The following KLHL6 variants were observed in gnomAD, a reference collection of about 807,000 sequenced individuals.
KLHL6 encodes the protein kelch like family member 6.
KLHL6 carries 41 observed loss-of-function variants against 58.6 expected under a neutral mutation model. The observed-to-expected ratio is 0.70, with a 90% confidence interval of 0.55 to 0.91. The LOEUF (loss-of-function observed/expected upper bound fraction) is 0.91, where lower values mean the gene tolerates loss of function less well. Among genes scored for constraint, KLHL6 ranks in the 40% least tolerant of loss-of-function variants. The pLI, the probability that KLHL6 is intolerant of heterozygous loss-of-function variation, is 0.00. For missense variants in KLHL6, 714 were observed against 805.6 expected (o/e 0.89, Z 1.38); for synonymous variants, 338 against 322.7 (o/e 1.05, Z -0.51).
chr3:183,509,531 C>G (rs1256718380), intron 2 of KLHL6, among the ~76,000 whole-genome samples: 1 of 152,178 alleles, frequency 6.6e-6, no homozygotes, highest in African/African-American at 2.4e-5. Context: ...GCTGCAGCAG[C>G]AAACAACCCT....
rs1717475420 is a variant in KLHL6 at position 183,489,157 on chromosome 3, CT to C, written c.*2769del. On this transcript the variant is annotated 3_prime_UTR_variant, in exon 7 of 7. Transcript: ENST00000341319. ...TTATCAAAGGACCGCCATCCCCTCCCTGACTAGGGGCGCTGTCTTTTTGAAG... is the reference window on the plus strand; with the variant it reads ...TTATCAAAGGACCGCCATCCCCTCCCGACTAGGGGCGCTGTCTTTTTGAAG... 1 of 152,210 alleles carries C rather than the reference CT, an allele frequency of 6.6e-6. No homozygotes were observed. The highest frequency in any genetic ancestry group is 1.5e-5 in the Non-Finnish European group (1 of 68,036). The allele number at this position is 152,210 out of a possible 1,614,324, so 9.4% of individuals were successfully genotyped here. A position where few individuals can be genotyped will look rare whatever the true frequency, so the allele number is the denominator to read the frequency against.
Position 183,492,372 on chromosome 3 carries a change from GA to G in KLHL6, c.1564+121del, listed in dbSNP as rs904997974. ...CGATTGATGGCTCTCCTGAAAGCCA[GA>G]GTGGGTCCTAGGGGCAGTGAGTTGC... On this transcript the variant is annotated intron_variant, in intron 6 of 6. Coordinates refer to ENST00000341319, the MANE Select transcript of KLHL6 (RefSeq NM_130446.4). The surrounding 1 kb of genome is among the most constrained non-coding windows in gnomAD (Gnocchi z 5.9). The G allele has an allele frequency of 7.7e-7, 1 of 1,303,636 alleles. No homozygotes were observed. The allele number at this position is 1,303,636 out of a possible 1,614,324, so 80.8% of individuals were successfully genotyped here. A position where few individuals can be genotyped will look rare whatever the true frequency, so the allele number is the denominator to read the frequency against.
chr3:183,527,250 T>C (rs1415284063), intron 2 of KLHL6, among the ~76,000 whole-genome samples: 1 of 152,180 alleles, frequency 6.6e-6, no homozygotes, highest in East Asian at 1.9e-4. Flanking sequence ...CAGGAAATGA[T>C]CAATAGCTAT....
chr3:183,513,791 T>C (rs554705740), intron 2 of KLHL6, among the ~76,000 whole-genome samples: 213 of 152,286 alleles, frequency 1.4e-3, no homozygotes, highest in African/African-American at 4.6e-3. Context: ...GTGCCATGGT[T>C]TGCTGCACCT....
intron 2 of KLHL6, among the ~76,000 whole-genome samples, chr3:183,522,097 A>G (rs1037849987): frequency 1.3e-4 from 20 of 150,084 alleles, no homozygotes; most frequent in Middle Eastern, 3.4e-3. Context: ...AGGCCAAGCC[A>G]GGTGGATCAC....
At chr3:183,543,883 G>A (rs1276028129) in intron 1 of KLHL6, among the ~76,000 whole-genome samples, 3 of 152,222 alleles carry the variant, frequency 2.0e-5, no homozygotes, top group African/African-American at 7.2e-5. Flanking sequence ...GTAGCACCAG[G>A]CCGGGTGTGG....
chr3:183,496,741 G>GT (rs2108664652), intron 4 of KLHL6, among the ~76,000 whole-genome samples: 1 of 152,362 alleles, frequency 6.6e-6, no homozygotes, highest in South Asian at 2.1e-4. Flanking sequence ...AGATGATATT[G>GT]TTAATTGAAG....
chr3:183,551,497 G>C (rs1712915213), intron 1 of KLHL6, among the ~76,000 whole-genome samples: 1 of 152,176 alleles, frequency 6.6e-6, no homozygotes, highest in Admixed American at 6.5e-5. Context: ...AGGTTTACAA[G>C]AAAAGAAACG....
chr3:183,542,348 C>T (rs1214253698), intron 1 of KLHL6, among the ~76,000 whole-genome samples: 2 of 152,182 alleles, frequency 1.3e-5, no homozygotes, highest in East Asian at 1.9e-4. Context: ...AAACCTTTCC[C>T]GGTCTGACCA....
At chr3:183,514,285 CCCCCA>C in intron 2 of KLHL6, among the ~76,000 whole-genome samples, 1 of 152,206 alleles carries the variant, frequency 6.6e-6, no homozygotes, top group African/African-American at 2.4e-5. Flanking sequence ...GACAGTCCTA[CCCCCA>C]CCCCTTCAAT....
At chr3:183,528,489 A>G (rs1455771962) in intron 1 of KLHL6, among the ~76,000 whole-genome samples, 1 of 152,228 alleles carries the variant, frequency 6.6e-6, no homozygotes, top group Non-Finnish European at 1.5e-5. Context: ...CCAGCAGCTG[A>G]ACCCAATGTC....
At chr3:183,511,951 G>A (rs1718200546) in intron 2 of KLHL6, among the ~76,000 whole-genome samples, 2 of 152,182 alleles carry the variant, frequency 1.3e-5, no homozygotes, top group Admixed American at 1.3e-4. Flanking sequence ...CAGAAGGCCT[G>A]AATTCTGCCT....
chr3:183,505,950 G>A lies in KLHL6; in HGVS notation c.909+2109C>T, dbSNP rs1037351601. Among the ~76,000 whole-genome samples the A allele has an allele frequency of 2.6e-5, 4 of 152,136 alleles. 1 individual carries two copies. Among genetic ancestry groups the A allele is most frequent in the Non-Finnish European group, 5.9e-5 (4 of 68,050 alleles). The stretch of plus-strand genomic sequence containing the variant: ...CTGGTAAATTCTACTAAACATTTAA[G>A]GGTATGTTTGCAGAGTGAATGAATG... On this transcript the variant is annotated intron_variant, in intron 3 of 6. Coordinates refer to ENST00000341319, the MANE Select transcript of KLHL6 (RefSeq NM_130446.4).
chr3:183,493,716 G>A, intron 5 of KLHL6: 1 of 275,214 alleles, frequency 3.6e-6, no homozygotes, highest in South Asian at 5.1e-5. Context: ...CATGTGTCCA[G>A]TGTGGAGAAG....
intron 1 of KLHL6, among the ~76,000 whole-genome samples, chr3:183,543,522 T>C (rs1577202972): frequency 6.6e-6 from 1 of 152,306 alleles, no homozygotes; most frequent in East Asian, 1.9e-4. Context: ...CCTGACACTT[T>C]CCTAACTTTC....
At chr3:183,531,447 T>TTTTTTTG (rs1712158186) in intron 1 of KLHL6, among the ~76,000 whole-genome samples, 3 of 126,240 alleles carry the variant, frequency 2.4e-5, no homozygotes, top group African/African-American at 1.0e-4. Flanking sequence ...GTCTGTGTTT[T>TTTTTTTG]TTTTTTTTTT....
chr3:183,506,152 G>A lies in KLHL6; in HGVS notation c.909+1907C>T, dbSNP rs1986552. Among the ~76,000 whole-genome samples, 1,915 of 152,322 alleles carry A rather than the reference G, an allele frequency of 0.013. 119 individuals carry two copies. In the East Asian group the frequency reaches 0.18, roughly 15 times the overall value. ...AGAACCACTGCATAGTGAGATATATGTATGGGTGTTCATGTGTACAAACTG... is the reference window on the plus strand; with the variant it reads ...AGAACCACTGCATAGTGAGATATATATATGGGTGTTCATGTGTACAAACTG... On this transcript the variant is annotated intron_variant, in intron 3 of 6. Transcript: ENST00000341319.
chr3:183,523,343 C>T (rs972035510), intron 2 of KLHL6, among the ~76,000 whole-genome samples: 47 of 152,136 alleles, frequency 3.1e-4, no homozygotes, highest in African/African-American at 1.1e-3. Flanking sequence ...AAAGGCAATC[C>T]TAGGGAAATA....
intron 4 of KLHL6, among the ~76,000 whole-genome samples, chr3:183,495,235 G>A (rs1253189842): frequency 6.6e-6 from 1 of 152,206 alleles, no homozygotes; most frequent in African/African-American, 2.4e-5. Flanking sequence ...GTGCAGCCAA[G>A]GCATCCTCCG....
Sources: allele counts gnomAD v4.1 joint callset (sites outside exome capture counted in the v4.1 genomes callset), GRCh38; gene constraint gnomAD v4.1.1; non-coding constraint Gnocchi (gnomAD v3.1); transcripts MANE v1.5; gene names NCBI Gene and HGNC (gene_info 2026-07-23, HGNC 2026-07-21).